The following SPATA6L variants were observed in gnomAD, a reference collection of about 807,000 sequenced individuals.
SPATA6L encodes spermatogenesis associated 6-like protein.
Under a neutral mutation model 49.2 loss-of-function variants are expected in SPATA6L, and 68 were observed. That is an observed-to-expected ratio of 1.38 (90% CI 1.14 to 1.69). The LOEUF (loss-of-function observed/expected upper bound fraction) is 1.69. Ranked by LOEUF, SPATA6L falls within the 40% of genes most tolerant of loss-of-function variation. The pLI, the probability that SPATA6L is intolerant of heterozygous loss-of-function variation, is 0.00. For missense variants in SPATA6L, 668 were observed against 464.3 expected, an observed-to-expected ratio of 1.44 and a Z score of -4.03; for synonymous variants, 198 against 165.7, an observed-to-expected ratio of 1.19 and a Z score of -1.50.
chr9:4,623,774 C>T (rs1163097963), intron 6 of SPATA6L, among the ~76,000 whole-genome samples: 1 of 152,170 alleles, frequency 6.6e-6, no homozygotes, highest in African/African-American at 2.4e-5. Context: ...TTCATAATGG[C>T]ATGCACTAAA....
chr9:4,648,498 G>C (rs945133740), intron 3 of SPATA6L, among the ~76,000 whole-genome samples: 4 of 149,608 alleles, frequency 2.7e-5, no homozygotes, highest in Middle Eastern at 3.6e-3. Flanking sequence ...AGGAGATCGA[G>C]ACCATCCTGG....
intron 1 of SPATA6L, chr9:4,663,144 A>G: frequency 1.2e-6 from 2 of 1,613,976 alleles, no homozygotes; most frequent in East Asian, 4.5e-5. Flanking sequence ...GGGGCGGCAC[A>G]ATGTCACCGA....
chr9:4,663,258 C>A (rs1431133891), intron 1 of SPATA6L: 1 of 1,611,548 alleles, frequency 6.2e-7, no homozygotes, highest in Non-Finnish European at 8.5e-7. Flanking sequence ...GTGGAGTCAA[C>A]GATGACACCA....
At chr9:4,656,200 A>T in intron 2 of SPATA6L, 111 bp from the exon 3 acceptor site, 1 of 814,110 alleles carries the variant, frequency 1.2e-6, no homozygotes, top group Non-Finnish European at 2.0e-6. Context: ...GCACTTTGGG[A>T]GGCCGAGGTG....
At position 4,662,828 on chromosome 9, in the gene SPATA6L, C is replaced by G; in HGVS notation, c.40-792G>C. 1 of 1,605,220 alleles carries G rather than the reference C, an allele frequency of 6.2e-7. No homozygotes were observed. Among genetic ancestry groups the G allele is most frequent in the Non-Finnish European group, 8.5e-7 (1 of 1,179,954 alleles). On this transcript the variant is annotated intron_variant, in intron 1 of 11. Coordinates refer to ENST00000682582, the MANE Select transcript of SPATA6L (RefSeq NM_001353486.2). The surrounding 1 kb of genome is among the most constrained non-coding windows in gnomAD (Gnocchi z 4.9). ...GCATCCCCTGGCTGCTGGGCACCCT[C>G]TACTGCCTGTGCAGGAGCGACAGCT... is the stretch of plus-strand genomic sequence containing the variant.
chr9:4,611,815 AT>A (rs919876346), intron 9 of SPATA6L, among the ~76,000 whole-genome samples: 2 of 151,342 alleles, frequency 1.3e-5, no homozygotes, highest in African/African-American at 4.9e-5. Flanking sequence ...AGAAAAAAAA[AT>A]TTTTAATCCA....
At chr9:4,660,391 C>G (rs560873446) in intron 2 of SPATA6L, among the ~76,000 whole-genome samples, 8 of 152,306 alleles carry the variant, frequency 5.3e-5, no homozygotes, top group African/African-American at 1.7e-4. Flanking sequence ...AGACACTTCT[C>G]AAAAGAAGAC....
intron 7 of SPATA6L, among the ~76,000 whole-genome samples, chr9:4,621,632 G>GC (rs1441547193): frequency 6.6e-6 from 1 of 152,084 alleles, no homozygotes; most frequent in Non-Finnish European, 1.5e-5. Context: ...GGGACTACAG[G>GC]CATGTGCCAC....
intron 3 of SPATA6L, among the ~76,000 whole-genome samples, chr9:4,655,740 G>T (rs185282518): frequency 1.3e-5 from 2 of 152,080 alleles, no homozygotes; most frequent in African/African-American, 4.8e-5. Context: ...TAGTAGAGAT[G>T]GGGTTTCACC....
In SPATA6L at chr9:4,629,124, T is replaced by A; in HGVS notation, c.396A>T (p.Arg132Ser). The A allele has an allele frequency of 6.2e-7, 1 of 1,611,870 alleles. No individual in the cohort carries two copies. Among genetic ancestry groups the A allele is most frequent in the Admixed American group, 1.7e-5 (1 of 59,916 alleles). Residue 132 changes from arginine (R) to serine (S), a missense_variant, in exon 5 of 12, where the codon AGA becomes AGT. Transcript: ENST00000682582. ...KIEFSTRTAI[R>S]ECVFLHRNRF... Reference sequence around the variant, plus strand: ...TGTTTCTATGCAGAAACACACATTCTCTGATGGCTGTCCTTGTAGAAAACT... The same window carrying A: ...TGTTTCTATGCAGAAACACACATTCACTGATGGCTGTCCTTGTAGAAAACT...
chr9:4,659,623 A>G (rs1431495477), intron 2 of SPATA6L, among the ~76,000 whole-genome samples: 2 of 152,192 alleles, frequency 1.3e-5, no homozygotes, highest in East Asian at 3.8e-4. Context: ...TTATAGACTC[A>G]ATGCCATCCC....
rs1840338615 is a variant in SPATA6L at position 4,663,410 on chromosome 9, G to A, written c.40-1374C>T. The A allele has an allele frequency of 9.1e-6, 8 of 874,414 alleles. No homozygotes were observed. In the South Asian group the frequency reaches 1.0e-4, roughly 11 times the overall value. 54.2% of individuals were successfully genotyped at this position (874,414 alleles called of 1,614,324 possible). On this transcript the variant is annotated intron_variant, in intron 1 of 11. Transcript: ENST00000682582. Reference sequence around the variant, plus strand: ...AGGTGTCCCATGATCTTGATGTGCTGCTAGGCTGGAGCACACACTGGCCAT... The same window carrying A: ...AGGTGTCCCATGATCTTGATGTGCTACTAGGCTGGAGCACACACTGGCCAT...
intron 5 of SPATA6L, 109 bp downstream of exon 5, chr9:4,628,982 A>C (rs1830886446): frequency 1.4e-6 from 1 of 711,436 alleles, no homozygotes; most frequent in African/African-American, 1.8e-5. Flanking sequence ...CCAGGTTTCT[A>C]CTTGTTTAGT....
Position 4,617,075 on chromosome 9 carries a change from A to G in SPATA6L, c.995+848T>C, listed in dbSNP as rs557088330. Among the ~76,000 whole-genome samples, 17 of 152,332 alleles carry G rather than the reference A, an allele frequency of 1.1e-4. No individual in the cohort carries two copies. In the East Asian group the frequency reaches 3.3e-3, roughly 29 times the overall value. ...ACTAAGAAGGGATTGCCACTTTCTT[A>G]GTCTACCTCAAAGTTAATATAATTC... On this transcript the variant is annotated intron_variant, in intron 9 of 11. Transcript: ENST00000682582.
downstream of SPATA6L, among the ~76,000 whole-genome samples, chr9:4,598,061 T>A (rs1011705212): frequency 1.3e-5 from 2 of 152,194 alleles, no homozygotes; most frequent in African/African-American, 2.4e-5. Context: ...TCTCATTTTT[T>A]AAAAATCTCT....
At chr9:4,608,472 G>C (rs1413117071) in intron 9 of SPATA6L, among the ~76,000 whole-genome samples, 1 of 106,626 alleles carries the variant, frequency 9.4e-6, no homozygotes, top group South Asian at 3.6e-4. Flanking sequence ...AATCAAACTA[G>C]AACTCAGGAT....
At chr9:4,655,051 C>G (rs893029781) in intron 3 of SPATA6L, among the ~76,000 whole-genome samples, 12 of 152,158 alleles carry the variant, frequency 7.9e-5, no homozygotes, top group African/African-American at 2.7e-4. Context: ...TAGGTATACC[C>G]AAGAGGCATT....
In SPATA6L at chr9:4,598,652, A is replaced by G. The variant is rs545889221; in HGVS notation, c.*2159T>C. 8.5e-5 allele frequency among the ~76,000 whole-genome samples: 13 copies of G among 152,334 alleles called. No individual in the cohort carries two copies. The East Asian group carries it at 2.3e-3, about 27-fold the overall frequency. Reference sequence around the variant, plus strand: ...CAAAAAACACTGAATATTGAATGTCATGGTGTATATTTTAACAATAACTGA... The same window carrying G: ...CAAAAAACACTGAATATTGAATGTCGTGGTGTATATTTTAACAATAACTGA... On this transcript the variant is annotated 3_prime_UTR_variant, in exon 12 of 12. Coordinates refer to ENST00000682582, the MANE Select transcript of SPATA6L (RefSeq NM_001353486.2).
intron 13 of SPATA6L, among the ~76,000 whole-genome samples, chr9:4,589,370 G>C (rs1197096189): frequency 6.6e-6 from 1 of 152,146 alleles, no homozygotes; most frequent in Non-Finnish European, 1.5e-5. Context: ...TGCTGTTCCA[G>C]TATTTTAGGA....
Sources: gnomAD v4.1 joint callset for allele counts (sites outside exome capture counted in the v4.1 genomes callset) on GRCh38, gnomAD v4.1.1 for gene constraint, Gnocchi (gnomAD v3.1) non-coding constraint, MANE v1.5 for transcripts, NCBI Gene and HGNC (gene_info 2026-07-23, HGNC 2026-07-21) for gene names.